The following TENM4 variants were observed in gnomAD, a reference collection of about 807,000 sequenced individuals.
TENM4 encodes the protein teneurin-4.
Under a neutral mutation model 243.3 loss-of-function variants are expected in TENM4, and 82 were observed. That is an observed-to-expected ratio of 0.34 (90% CI 0.28 to 0.40). The LOEUF (loss-of-function observed/expected upper bound fraction) is 0.40, where lower values mean the gene tolerates loss of function less well. Ranked by LOEUF, TENM4 falls within the 10% of genes least tolerant of loss-of-function variation. TENM4 has a pLI of 1.00. For synonymous variants in TENM4, 1,412 were observed against 1,456.3 expected, an observed-to-expected ratio of 0.97 and a Z score of 0.69; for missense variants, 3,138 against 3,673.3, an observed-to-expected ratio of 0.85 and a Z score of 3.77.
intron 1 of TENM4, among the ~76,000 whole-genome samples, chr11:79,318,618 C>A (rs895736079): frequency 1.3e-5 from 2 of 152,138 alleles, no homozygotes; most frequent in South Asian, 2.1e-4. Flanking sequence ...GCATTTCCAC[C>A]TATTTACCTG....
intron 1 of TENM4, among the ~76,000 whole-genome samples, chr11:79,387,514 A>C (rs1858142039): frequency 6.6e-6 from 1 of 152,246 alleles, no homozygotes; most frequent in Non-Finnish European, 1.5e-5. Flanking sequence ...TTGGAAGTAT[A>C]ATACCACATA....
At chr11:79,233,135 G>C (rs1864401657) in intron 2 of TENM4, among the ~76,000 whole-genome samples, 1 of 152,178 alleles carries the variant, frequency 6.6e-6, no homozygotes, top group African/African-American at 2.4e-5. Flanking sequence ...GCCAGACTGA[G>C]TCAGACGCCA....
intron 19 of TENM4, among the ~76,000 whole-genome samples, chr11:78,754,362 G>T (rs1332675020): frequency 6.6e-6 from 1 of 152,176 alleles, no homozygotes; most frequent in Non-Finnish European, 1.5e-5. Context: ...ACAATACCGA[G>T]ACCTGTGTGC....
intron 14 of TENM4, among the ~76,000 whole-genome samples, chr11:78,811,569 A>C (rs1337510047): frequency 1.5e-5 from 1 of 65,032 alleles, no homozygotes; most frequent in Non-Finnish European, 4.9e-5. Flanking sequence ...CATACACATG[A>C]ACACACACAC....
intron 1 of TENM4, among the ~76,000 whole-genome samples, chr11:79,411,822 G>C: frequency 6.6e-6 from 1 of 152,202 alleles, no homozygotes; most frequent in East Asian, 1.9e-4. Context: ...TCCAACTCTA[G>C]AAGGCTACTC....
chr11:78,912,874 A>G (rs1856222990), intron 6 of TENM4, among the ~76,000 whole-genome samples: 1 of 152,256 alleles, frequency 6.6e-6, no homozygotes, highest in African/African-American at 2.4e-5. Flanking sequence ...ATTTGAATCC[A>G]AAAGTAGAAC....
At chr11:79,347,197 C>T (rs937794881) in intron 1 of TENM4, among the ~76,000 whole-genome samples, 2 of 152,166 alleles carry the variant, frequency 1.3e-5, no homozygotes, top group Admixed American at 6.5e-5. Context: ...ATGCAGGCCA[C>T]GTCAAAAATG....
intron 4 of TENM4, among the ~76,000 whole-genome samples, chr11:79,124,655 G>A (rs1339984576): frequency 6.7e-6 from 1 of 148,972 alleles, no homozygotes; most frequent in Non-Finnish European, 1.5e-5. Flanking sequence ...ATGTGTGTGT[G>A]TGTGTGTGTG....
At chr11:79,124,645 A>ATATG (rs1050729366) in intron 4 of TENM4, among the ~76,000 whole-genome samples, 79 of 133,850 alleles carry the variant, frequency 5.9e-4, no homozygotes, top group Middle Eastern at 4.3e-3. Flanking sequence ...ATATATATAT[A>ATATG]TGTGTGTGTG....
chr11:79,160,516 A>G (rs970524534), intron 3 of TENM4, among the ~76,000 whole-genome samples: 1 of 152,026 alleles, frequency 6.6e-6, no homozygotes, highest in Non-Finnish European at 1.5e-5. Context: ...AGATGGGGGC[A>G]TCTCGGAGAG....
At chr11:79,106,446 G>T (rs1229174812) in intron 4 of TENM4, among the ~76,000 whole-genome samples, 1 of 152,246 alleles carries the variant, frequency 6.6e-6, no homozygotes, top group Non-Finnish European at 1.5e-5. Flanking sequence ...CAGGGCTTCA[G>T]TGTCTCCAAG....
At chr11:79,240,682 GA>G (rs1187357471) in intron 2 of TENM4, among the ~76,000 whole-genome samples, 81 of 152,270 alleles carry the variant, frequency 5.3e-4, no homozygotes, top group African/African-American at 1.8e-3. Flanking sequence ...GCAAGCATGG[GA>G]ATCTTATGTT....
At chr11:79,430,982 C>G (rs1194584477) in intron 1 of TENM4, among the ~76,000 whole-genome samples, 1 of 152,182 alleles carries the variant, frequency 6.6e-6, no homozygotes, top group Non-Finnish European at 1.5e-5. Context: ...AGCTAGGAGT[C>G]TCTGAGGCAT....
At chr11:79,063,199 G>A (rs1035586130) in intron 6 of TENM4, among the ~76,000 whole-genome samples, 2 of 152,178 alleles carry the variant, frequency 1.3e-5, no homozygotes, top group Non-Finnish European at 2.9e-5. Flanking sequence ...CTGACCGTGC[G>A]TGGTCTCCTG....
chr11:78,956,367 C>T (rs906281192), intron 6 of TENM4, among the ~76,000 whole-genome samples: 1 of 152,150 alleles, frequency 6.6e-6, no homozygotes, highest in Non-Finnish European at 1.5e-5. Flanking sequence ...GGAAATGCTC[C>T]TTATCAACTC....
intron 19 of TENM4, among the ~76,000 whole-genome samples, chr11:78,755,692 A>G (rs1409042118): frequency 6.6e-6 from 1 of 152,118 alleles, no homozygotes; most frequent in Non-Finnish European, 1.5e-5. Flanking sequence ...CCATTTACCC[A>G]GGCATTCAAG....
chr11:78,814,763 T>C (rs1857569106), intron 12 of TENM4, among the ~76,000 whole-genome samples: 1 of 152,234 alleles, frequency 6.6e-6, no homozygotes, highest in Non-Finnish European at 1.5e-5. Context: ...TCTTTATACT[T>C]TTTGTATTTT....
intron 4 of TENM4, among the ~76,000 whole-genome samples, chr11:79,134,059 CACT>C (rs1357579062): frequency 2.6e-5 from 4 of 152,124 alleles, no homozygotes; most frequent in Admixed American, 6.5e-5. Context: ...GCCAAACTGT[CACT>C]GTTTGCTGAA....
At chr11:78,927,238 CTGATA>C (rs1194026594) in intron 6 of TENM4, among the ~76,000 whole-genome samples, 1 of 152,158 alleles carries the variant, frequency 6.6e-6, no homozygotes, top group African/African-American at 2.4e-5. Flanking sequence ...CATTTTTTAA[CTGATA>C]TATTTTTGCT....
Sources: gnomAD v4.1 joint callset for allele counts (sites outside exome capture counted in the v4.1 genomes callset) on GRCh38, gnomAD v4.1.1 for gene constraint, MANE v1.5 for transcripts, NCBI Gene and HGNC (gene_info 2026-07-23, HGNC 2026-07-21) for gene names.